Variants in PWWP2A observed in about 807,000 individuals in gnomAD.
The protein encoded by PWWP2A is PWWP domain containing 2A.
In PWWP2A, 18 loss-of-function variants were observed where a neutral mutation model predicts 48.5. The ratio of observed to expected loss-of-function variants is 0.37; its 90% CI spans 0.26 to 0.55. The LOEUF (loss-of-function observed/expected upper bound fraction) is 0.55, where lower values mean the gene tolerates loss of function less well. Among genes scored for constraint, PWWP2A ranks in the 20% least tolerant of loss-of-function variants. PWWP2A has a pLI of 0.81. For synonymous variants in PWWP2A, 396 were observed against 387.7 expected, an observed-to-expected ratio of 1.02 and a Z score of -0.25; for missense variants, 867 against 976.4, an observed-to-expected ratio of 0.89 and a Z score of 1.49.
chr5:160,092,797 G>T lies in PWWP2A; in HGVS notation c.1853C>A (p.Ser618Tyr). 1 of 1,551,656 alleles carries T rather than the reference G, an allele frequency of 6.4e-7. No individual in the cohort carries two copies. The highest frequency in any genetic ancestry group is 8.7e-7 in the Non-Finnish European group (1 of 1,146,952). Reference protein sequence around the residue: ...PGSMHAPSTSSTSSSSKEEKK... With the variant: ...PGSMHAPSTSYTSSSSKEEKK... ...CTCTTCCTTTGAAGAGGAGGAAGTG[G>T]AGGAGGTGGAAGGTGCATGCATACT... Residue 618 changes from serine (S) to tyrosine (Y), a missense_variant, in exon 2 of 2, where the codon TCC becomes TAC. Ser to Tyr is a moderately radical substitution (Grantham distance 144, BLOSUM62 -2). Around this residue, in one of 4 missense-constraint regions of PWWP2A, gnomAD observed 382 missense variants for 407.2 expected, o/e 0.94. Coordinates refer to ENST00000307063, the MANE Select transcript of PWWP2A (RefSeq NM_001130864.2).
chr5:160,081,753 G>C (rs1026969180), intron 2 of PWWP2A, among the ~76,000 whole-genome samples: 1 of 152,178 alleles, frequency 6.6e-6, no homozygotes, highest in African/African-American at 2.4e-5. Flanking sequence ...ATGAAGGACT[G>C]CTATCTTAAG....
intron 1 of PWWP2A, among the ~76,000 whole-genome samples, chr5:160,103,396 G>A (rs1756509823): frequency 6.6e-6 from 1 of 152,102 alleles, no homozygotes. Flanking sequence ...AACACAGTGA[G>A]ACCCCCATCT....
In PWWP2A at chr5:160,114,338, C is replaced by T. The variant is rs372256331; in HGVS notation, c.584+4467G>A. Among the ~76,000 whole-genome samples, 10 of 151,830 alleles carry T rather than the reference C, an allele frequency of 6.6e-5. No homozygotes were observed. The East Asian group carries it at 1.2e-3, about 18-fold the overall frequency. ...CTTGAGGTCAGGAGTTCAAGATGCG[C>T]CTGGCCAACATGGCGAAACTCCGTC... On this transcript the variant is annotated intron_variant, in intron 1 of 1. Transcript: ENST00000307063.
intron 1 of PWWP2A, among the ~76,000 whole-genome samples, chr5:160,095,392 C>A (rs1365378691): frequency 6.6e-6 from 1 of 152,112 alleles, no homozygotes; most frequent in Non-Finnish European, 1.5e-5. Context: ...AGAACCTGAT[C>A]CTTAAAATAA....
chr5:160,094,600 T>C (rs1168129810), intron 1 of PWWP2A, among the ~76,000 whole-genome samples: 1 of 152,230 alleles, frequency 6.6e-6, no homozygotes, highest in African/African-American at 2.4e-5. Flanking sequence ...TACTCTTGCA[T>C]CCTAACTAGT....
At position 160,092,128 on chromosome 5, in the gene PWWP2A, A is replaced by G. The variant is rs1755146835; in HGVS notation, c.*254T>C. ...AATTTCAGTTGAGGCTATGGCTCCT[A>G]TGCCTTGGGATGGTTTCGAACTTCA... On this transcript the variant is annotated 3_prime_UTR_variant, in exon 2 of 2. Transcript: ENST00000307063. 8.3e-7 allele frequency: 1 copy of G among 1,205,518 alleles called. No individual in the cohort carries two copies. The highest frequency in any genetic ancestry group is 1.0e-6 in the Non-Finnish European group (1 of 968,156). The allele number at this position is 1,205,518 out of a possible 1,614,324, so 74.7% of individuals were successfully genotyped here. A position where few individuals can be genotyped will look rare whatever the true frequency, so the allele number is the denominator to read the frequency against.
At chr5:160,055,468 A>G in the PWWP2A span, among the ~76,000 whole-genome samples, 2 of 152,370 alleles carry the variant, frequency 1.3e-5, no homozygotes, top group Non-Finnish European at 2.9e-5. Flanking sequence ...TCTCTCATCA[A>G]GATTCTAATC....
At chr5:160,089,872 G>T, downstream of PWWP2A, 1 of 985,172 alleles carries the variant, frequency 1.0e-6, no homozygotes, top group Non-Finnish European at 1.2e-6. Context: ...AATATAAAGT[G>T]GCTACAACTA....
downstream of PWWP2A, among the ~76,000 whole-genome samples, chr5:160,061,106 G>A (rs1410531509): frequency 6.6e-6 from 1 of 152,236 alleles, no homozygotes; most frequent in Non-Finnish European, 1.5e-5. Context: ...AGGACAGCCT[G>A]GCAGGAGGCA....
the PWWP2A span, among the ~76,000 whole-genome samples, chr5:160,054,033 A>C: frequency 1.3e-4 from 20 of 152,188 alleles, no homozygotes; most frequent in Admixed American, 1.3e-3. Flanking sequence ...CAAGACGATC[A>C]CTTGAGGAAA....
At chr5:160,072,749 T>TAAG (rs1196925936), downstream of PWWP2A, among the ~76,000 whole-genome samples, 2 of 140,924 alleles carry the variant, frequency 1.4e-5, no homozygotes, top group African/African-American at 5.2e-5. Flanking sequence ...AAATAAATAA[T>TAAG]AAAACAAAAA....
chr5:160,079,011 T>A (rs1754042625), intron 3 of PWWP2A, among the ~76,000 whole-genome samples: 1 of 152,058 alleles, frequency 6.6e-6, no homozygotes, highest in Non-Finnish European at 1.5e-5. Context: ...CCCTCTACAA[T>A]CCCTGATTAT....
chr5:160,100,232 C>T (rs1756129116), intron 1 of PWWP2A, among the ~76,000 whole-genome samples: 1 of 152,018 alleles, frequency 6.6e-6, no homozygotes, highest in Non-Finnish European at 1.5e-5. Context: ...GCCTGGGAGA[C>T]GGTGGCTGCA....
At chr5:160,083,515 T>C (rs935402314) in intron 2 of PWWP2A, among the ~76,000 whole-genome samples, 1 of 152,204 alleles carries the variant, frequency 6.6e-6, no homozygotes. Context: ...AGTAAAATGC[T>C]ACGGTCCTAG....
At position 160,094,190 on chromosome 5, in the gene PWWP2A, A is replaced by T. The variant is rs79597571; in HGVS notation, c.585-125T>A. On this transcript the variant is annotated intron_variant, in intron 1 of 1. Coordinates refer to ENST00000307063, the MANE Select transcript of PWWP2A (RefSeq NM_001130864.2). ...TCCCGAAAACTATTTCATATTAAAA[A>T]ACAAGACTACAAAAATCTACTATCT... The T allele has an allele frequency of 2.8e-3, 3,278 of 1,188,810 alleles. 73 individuals carry two copies. In the African/African-American group the frequency reaches 0.045, roughly 16 times the overall value. 73.6% of individuals were successfully genotyped at this position (1,188,810 alleles called of 1,614,324 possible).
downstream of PWWP2A, among the ~76,000 whole-genome samples, chr5:160,058,664 G>C (rs1757613817): frequency 6.6e-6 from 1 of 152,112 alleles, no homozygotes; most frequent in African/African-American, 2.4e-5. Flanking sequence ...ACCCACCTCA[G>C]CCTCCCAAAG....
At chr5:160,083,004 A>G (rs1013800635) in intron 2 of PWWP2A, among the ~76,000 whole-genome samples, 1 of 152,202 alleles carries the variant, frequency 6.6e-6, no homozygotes, top group Non-Finnish European at 1.5e-5. Flanking sequence ...GAAAGCCCAC[A>G]ATTAAAAACT....
intron 3 of PWWP2A, among the ~76,000 whole-genome samples, chr5:160,080,054 T>C (rs1754120108): frequency 1.3e-5 from 2 of 152,210 alleles, no homozygotes; most frequent in South Asian, 4.1e-4. Flanking sequence ...ATAAGCCTTT[T>C]AGGCCTTATC....
chr5:160,078,234 T>G lies in PWWP2A; in HGVS notation c.1670-66A>C. On this transcript the variant is annotated intron_variant, in intron 3 of 3. Coordinates refer to the PWWP2A transcript ENST00000456329. This position sits in a 1 kb window ranked among gnomAD's most constrained non-coding sequence, Gnocchi z 4.2. Reference sequence around the variant, plus strand: ...ACAAGTAATTATATGAGGAAAATGATGTCCTTGTTGTTTAAGCCCTACATA... The same window carrying G: ...ACAAGTAATTATATGAGGAAAATGAGGTCCTTGTTGTTTAAGCCCTACATA... 2.3e-6 allele frequency: 3 copies of G among 1,277,542 alleles called. No individual in the cohort carries two copies. Among genetic ancestry groups the G allele is most frequent in the Non-Finnish European group, 3.3e-6 (3 of 898,464 alleles). 79.1% of individuals were successfully genotyped at this position (1,277,542 alleles called of 1,614,324 possible).
Sources: gnomAD v4.1 joint callset for allele counts (sites outside exome capture counted in the v4.1 genomes callset) on GRCh38, gnomAD v4.1.1 for gene constraint, gnomAD v4.1.1 regional missense constraint, Gnocchi (gnomAD v3.1) non-coding constraint, MANE v1.5 for transcripts, NCBI Gene and HGNC (gene_info 2026-07-23, HGNC 2026-07-21) for gene names.